Variants in ITIH5 observed in about 807,000 individuals in gnomAD.
The protein encoded by ITIH5 is inter-alpha-trypsin inhibitor heavy chain H5.
Under a neutral mutation model 77.5 loss-of-function variants are expected in ITIH5, and 65 were observed. The ratio of observed to expected loss-of-function variants is 0.84; its 90% CI spans 0.69 to 1.03. The LOEUF is 1.03. Among genes scored for constraint, ITIH5 ranks in the 50% least tolerant of loss-of-function variants. The pLI is 0.00. For synonymous variants in ITIH5, 525 were observed against 494.3 expected (o/e 1.06, Z -0.82); for missense variants, 1,208 against 1,213.1 (o/e 1.00, Z 0.06).
intron 2 of ITIH5, among the ~76,000 whole-genome samples, chr10:7,649,998 TC>T (rs1447329500): frequency 6.6e-6 from 1 of 152,170 alleles, no homozygotes; most frequent in Non-Finnish European, 1.5e-5. Flanking sequence ...AAAAAAATCT[TC>T]CTGTGACATA....
intron 2 of ITIH5, among the ~76,000 whole-genome samples, chr10:7,650,492 T>C (rs1834080615): frequency 6.6e-6 from 1 of 152,110 alleles, no homozygotes; most frequent in East Asian, 1.9e-4. Flanking sequence ...TCCCAGCACT[T>C]TGGGGGTCAA....
chr10:7,652,675 C>T (rs1834120546), intron 2 of ITIH5, among the ~76,000 whole-genome samples: 1 of 152,174 alleles, frequency 6.6e-6, no homozygotes, highest in Non-Finnish European at 1.5e-5. Flanking sequence ...TACAAAGCCT[C>T]TTTTTCCTTT....
chr10:7,634,527 A>G (rs1385080316), intron 5 of ITIH5, among the ~76,000 whole-genome samples: 1 of 152,182 alleles, frequency 6.6e-6, no homozygotes, highest in Admixed American at 6.5e-5. Flanking sequence ...CTTAAAAACA[A>G]ACAGATCCCA....
intron 3 of ITIH5, among the ~76,000 whole-genome samples, chr10:7,641,254 C>T (rs1833880252): frequency 6.6e-6 from 1 of 152,128 alleles, no homozygotes; most frequent in Non-Finnish European, 1.5e-5. Flanking sequence ...TCTACACTGC[C>T]TTGTCTTTCA....
At chr10:7,659,557 T>TA (rs1168230795) in intron 1 of ITIH5, among the ~76,000 whole-genome samples, 1 of 152,160 alleles carries the variant, frequency 6.6e-6, no homozygotes, top group Non-Finnish European at 1.5e-5. Context: ...GGGGACCACT[T>TA]AAAATAACTA....
intron 8 of ITIH5, among the ~76,000 whole-genome samples, chr10:7,582,066 C>G (rs4749030): frequency 1.9e-3 from 292 of 151,242 alleles, no homozygotes; most frequent in South Asian, 4.2e-3. Flanking sequence ...TTAGTAGAGA[C>G]GGGTTTCACC....
chr10:7,646,401 G>C (rs1257944277), intron 2 of ITIH5, among the ~76,000 whole-genome samples: 2 of 152,186 alleles, frequency 1.3e-5, no homozygotes, highest in African/African-American at 4.8e-5. Flanking sequence ...GACAATGTTT[G>C]ACAACTTTTG....
chr10:7,580,075 C>A lies in ITIH5; in HGVS notation c.1109-11G>T. On this transcript the variant is annotated splice_polypyrimidine_tract_variant and intron_variant, in intron 8 of 13. Coordinates refer to ENST00000397146, the MANE Select transcript of ITIH5 (RefSeq NM_030569.7). ...CGTTGATGTCTGTGCCTGCAGGACA[C>A]CAACACGGAACAGCTCAAGCCTCTG... The A allele has an allele frequency of 6.3e-7, 1 of 1,582,400 alleles. No individual in the cohort carries two copies. Among genetic ancestry groups the A allele is most frequent in the Non-Finnish European group, 8.6e-7 (1 of 1,167,502 alleles).
chr10:7,603,707 C>T (rs550942642), intron 7 of ITIH5, among the ~76,000 whole-genome samples: 1 of 152,286 alleles, frequency 6.6e-6, no homozygotes, highest in African/African-American at 2.4e-5. Flanking sequence ...CCTCAGCCTC[C>T]CGAGCAGCTG....
At chr10:7,609,532 G>A (rs1211230319) in intron 7 of ITIH5, 6 of 452,936 alleles carry the variant, frequency 1.3e-5, no homozygotes, top group Non-Finnish European at 2.2e-5. Flanking sequence ...AACCAAAATC[G>A]ACATGCAGAT....
intron 11 of ITIH5, chr10:7,572,207 G>C (rs1356431613): frequency 3.3e-6 from 4 of 1,229,544 alleles, no homozygotes; most frequent in Non-Finnish European, 2.1e-6. Flanking sequence ...CCTGGCTTTA[G>C]GAACTTGCAC....
intron 12 of ITIH5, 104 bp downstream of exon 12, chr10:7,569,564 T>TG: frequency 1.5e-6 from 1 of 676,276 alleles, no homozygotes. Flanking sequence ...ACTGAGCGTC[T>TG]GTAAGGTGGC....
intron 4 of ITIH5, among the ~76,000 whole-genome samples, chr10:7,640,148 C>CAAAAAAAAAAAAAAAAAA (rs56939703): frequency 1.2e-5 from 1 of 80,280 alleles, no homozygotes; most frequent in Non-Finnish European, 2.3e-5. Flanking sequence ...GGGGTAACTA[C>CAAAAAAAAAAAAAAAAAA]AAAAAAAAAA....
At chr10:7,628,819 A>ATGTTGTAGCTTGTGTCCC (rs1564269001) in intron 5 of ITIH5, among the ~76,000 whole-genome samples, 2 of 106,282 alleles carry the variant, frequency 1.9e-5, no homozygotes, top group African/African-American at 7.9e-5. Flanking sequence ...GCATGTGTCC[A>ATGTTGTAGCTTGTGTCCC]TGTTGTAGCG....
rs917234310 is a variant in ITIH5 at position 7,560,705 on chromosome 10, T to C, written c.*2378A>G. 1 of 152,216 alleles carries C rather than the reference T, an allele frequency of 6.6e-6. No individual in the cohort carries two copies. Among genetic ancestry groups the C allele is most frequent in the Admixed American group, 6.5e-5 (1 of 15,286 alleles). 9.4% of individuals were successfully genotyped at this position (152,216 alleles called of 1,614,324 possible). ...ACTATTGTGATAACAAGGAGATTTA[T>C]CTCCTCTAATTATGACATATTTCTT... On this transcript the variant is annotated 3_prime_UTR_variant, in exon 14 of 14. Coordinates refer to ENST00000397146, the MANE Select transcript of ITIH5 (RefSeq NM_030569.7).
chr10:7,646,650 G>A (rs909017209), intron 2 of ITIH5, among the ~76,000 whole-genome samples: 3 of 152,184 alleles, frequency 2.0e-5, no homozygotes, highest in African/African-American at 7.2e-5. Context: ...GGCTGAAGCT[G>A]GAATTGTGAG....
At chr10:7,663,648 C>T (rs531937274) in intron 1 of ITIH5, among the ~76,000 whole-genome samples, 1 of 152,186 alleles carries the variant, frequency 6.6e-6, no homozygotes, top group South Asian at 2.1e-4. Flanking sequence ...ATTGTATAAA[C>T]TTTACTCTCC....
intron 5 of ITIH5, among the ~76,000 whole-genome samples, chr10:7,630,879 T>C (rs1283214010): frequency 6.6e-6 from 1 of 152,094 alleles, no homozygotes; most frequent in Non-Finnish European, 1.5e-5. Context: ...CAGGAGAACA[T>C]GAAAACAGTT....
chr10:7,629,359 C>CTGTTGTAGCGTGTGTCCA (rs1564269805), intron 5 of ITIH5, among the ~76,000 whole-genome samples: 1 of 36,912 alleles, frequency 2.7e-5, no homozygotes, highest in African/African-American at 1.6e-4. Context: ...GCGTGTGTCC[C>CTGTTGTAGCGTGTGTCCA]TGTTGTAGCG....
Sources: gnomAD v4.1 joint callset for allele counts (sites outside exome capture counted in the v4.1 genomes callset) on GRCh38, gnomAD v4.1.1 for gene constraint, MANE v1.5 for transcripts, NCBI Gene and HGNC (gene_info 2026-07-23, HGNC 2026-07-21) for gene names.